Variants in NELL1 observed in about 807,000 individuals in gnomAD.
NELL1 encodes protein kinase C-binding protein NELL1.
A neutral mutation model predicts 107.4 loss-of-function variants in NELL1; 76 were observed. That is an observed-to-expected ratio of 0.71 (90% confidence interval 0.59 to 0.86). NELL1 has a LOEUF of 0.86. NELL1 is among the 40% of genes least tolerant of loss of function. NELL1 has a pLI of 0.00. For missense variants in NELL1, 1,024 were observed against 1,005.5 expected, an observed-to-expected ratio of 1.02 and a Z score of -0.25; for synonymous variants, 353 against 341.2, an observed-to-expected ratio of 1.03 and a Z score of -0.38.
intron 17 of NELL1, among the ~76,000 whole-genome samples, chr11:21,566,271 G>A (rs554037000): frequency 5.3e-5 from 8 of 151,664 alleles, no homozygotes; most frequent in East Asian, 2.0e-4. Flanking sequence ...TGATTTAAAA[G>A]TTTCAAAACT....
At position 21,427,266 on chromosome 11, in the gene NELL1, A is replaced by G. The variant is rs116104517; in HGVS notation, c.1645+56318A>G. On this transcript the variant is annotated intron_variant, in intron 15 of 19. Transcript: ENST00000357134. ...TCATTTTTGTTTTGGCAACTGTAAC[A>G]TAAAACCTAACAGTAAAGGGGATTC... Among the ~76,000 whole-genome samples the G allele has an allele frequency of 5.0e-3, 758 of 152,338 alleles. 6 individuals are homozygous for G. Among genetic ancestry groups the G allele is most frequent in the African/African-American group, 0.017 (726 of 41,580 alleles).
At chr11:20,787,611 AC>A (rs1856993986) in intron 3 of NELL1, among the ~76,000 whole-genome samples, 1 of 152,004 alleles carries the variant, frequency 6.6e-6, no homozygotes, top group African/African-American at 2.4e-5. Context: ...AAAATCAGAC[AC>A]CCAGGTTCTT....
chr11:20,730,984 T>C (rs948159160), intron 2 of NELL1, among the ~76,000 whole-genome samples: 4 of 152,168 alleles, frequency 2.6e-5, no homozygotes, highest in African/African-American at 9.7e-5. Flanking sequence ...TCTCTGAAGA[T>C]TTTCTTTGGT....
intron 2 of NELL1, among the ~76,000 whole-genome samples, chr11:20,743,088 C>T (rs186344876): frequency 2.0e-5 from 3 of 152,040 alleles, no homozygotes; most frequent in Non-Finnish European, 2.9e-5. Flanking sequence ...CACGGGAGCT[C>T]ACACCTGTAA....
At chr11:21,381,741 C>T (rs1283994839) in intron 15 of NELL1, among the ~76,000 whole-genome samples, 2 of 151,804 alleles carry the variant, frequency 1.3e-5, no homozygotes, top group East Asian at 3.9e-4. Context: ...TTTGTATCAT[C>T]TTTCCAGCTC....
At chr11:20,729,278 C>T (rs1225615609) in intron 2 of NELL1, among the ~76,000 whole-genome samples, 5 of 151,964 alleles carry the variant, frequency 3.3e-5, no homozygotes, top group Non-Finnish European at 7.4e-5. Flanking sequence ...TCTTTTTTGA[C>T]CTATTTAGAT....
chr11:21,098,280 C>T (rs1288700619), intron 12 of NELL1, among the ~76,000 whole-genome samples: 1 of 152,160 alleles, frequency 6.6e-6, no homozygotes, highest in Non-Finnish European at 1.5e-5. Context: ...GTGTCACGAC[C>T]TTTTCTAGAT....
intron 15 of NELL1, among the ~76,000 whole-genome samples, chr11:21,384,373 C>G (rs1945446): frequency 0.037 from 5,644 of 152,048 alleles, 360 homozygotes; most frequent in African/African-American, 0.13. Context: ...TCACCATTCA[C>G]TGTGCTCTCC....
At chr11:21,130,257 G>T (rs1590663891) in intron 13 of NELL1, among the ~76,000 whole-genome samples, 2 of 152,302 alleles carry the variant, frequency 1.3e-5, no homozygotes, top group East Asian at 3.9e-4. Flanking sequence ...GGAATGAAGT[G>T]CATGGGTTTT....
At chr11:20,968,840 G>A (rs1238885266) in intron 12 of NELL1, among the ~76,000 whole-genome samples, 1 of 152,090 alleles carries the variant, frequency 6.6e-6, no homozygotes, top group African/African-American at 2.4e-5. Flanking sequence ...AGAATGGAAG[G>A]TTACCAGTGG....
intron 15 of NELL1, among the ~76,000 whole-genome samples, chr11:21,512,920 A>T (rs1855474483): frequency 6.6e-6 from 1 of 152,182 alleles, no homozygotes; most frequent in South Asian, 2.1e-4. Flanking sequence ...GCAGGTAGCT[A>T]ATGCTCAGCA....
chr11:20,877,491 A>C (rs951294914), intron 4 of NELL1, among the ~76,000 whole-genome samples: 1 of 152,240 alleles, frequency 6.6e-6, no homozygotes, highest in Non-Finnish European at 1.5e-5. Context: ...GAACCACCAC[A>C]CTGCTTTGTG....
chr11:21,070,207 G>A (rs975124285), intron 12 of NELL1, among the ~76,000 whole-genome samples: 1 of 151,924 alleles, frequency 6.6e-6, no homozygotes, highest in African/African-American at 2.4e-5. Flanking sequence ...AATTAAATGA[G>A]AAGAAAACTC....
At chr11:21,313,865 G>A (rs1368769699) in intron 14 of NELL1, among the ~76,000 whole-genome samples, 1 of 152,100 alleles carries the variant, frequency 6.6e-6, no homozygotes. Context: ...GGGGCCTGGT[G>A]AGAGGTGATT....
intron 15 of NELL1, among the ~76,000 whole-genome samples, chr11:21,418,555 A>G (rs1852576752): frequency 6.6e-6 from 1 of 152,128 alleles, no homozygotes; most frequent in African/African-American, 2.4e-5. Flanking sequence ...ACATATTAGC[A>G]CAGTGCTAAT....
At chr11:20,689,978 C>T (rs1351516364) in intron 2 of NELL1, among the ~76,000 whole-genome samples, 1 of 151,722 alleles carries the variant, frequency 6.6e-6, no homozygotes, top group Non-Finnish European at 1.5e-5. Context: ...GATAGCCATT[C>T]TAACTGGTGT....
At chr11:21,093,347 T>A (rs962517675) in intron 12 of NELL1, among the ~76,000 whole-genome samples, 1 of 152,180 alleles carries the variant, frequency 6.6e-6, no homozygotes, top group Non-Finnish European at 1.5e-5. Context: ...TGATTTTTTT[T>A]ATTTTTATTT....
At chr11:21,540,453 C>A (rs901506948) in intron 16 of NELL1, among the ~76,000 whole-genome samples, 1 of 151,998 alleles carries the variant, frequency 6.6e-6, no homozygotes, top group Non-Finnish European at 1.5e-5. Flanking sequence ...CCTTTCGGTG[C>A]CTGGCTGTAT....
chr11:20,928,907 T>C lies in NELL1; in HGVS notation c.997+428T>C, dbSNP rs1211729677. On this transcript the variant is annotated intron_variant, in intron 9 of 19. Transcript: ENST00000357134. ...AGGTTTTGGCTAGATTCTCCTCTTA[T>C]TAAGAGGCCTTTGTTAGGAACTTCC... Among the ~76,000 whole-genome samples the C allele has an allele frequency of 5.3e-5, 8 of 152,332 alleles. No individual in the cohort carries two copies. The East Asian group carries it at 1.2e-3, about 22-fold the overall frequency.
Sources: allele counts gnomAD v4.1 joint callset (sites outside exome capture counted in the v4.1 genomes callset), GRCh38; gene constraint gnomAD v4.1.1; transcripts MANE v1.5; gene names NCBI Gene and HGNC (gene_info 2026-07-23, HGNC 2026-07-21).